The following BRDT variants were observed in gnomAD, a reference collection of about 807,000 sequenced individuals.
BRDT encodes the protein bromodomain testis associated.
A neutral mutation model predicts 113.9 loss-of-function variants in BRDT; 77 were observed. The ratio of observed to expected loss-of-function variants is 0.68; its 90% confidence interval spans 0.56 to 0.82. The LOEUF (loss-of-function observed/expected upper bound fraction) is 0.82, where lower values mean the gene tolerates loss of function less well. BRDT is among the 40% of genes least tolerant of loss of function. The probability of loss-of-function intolerance (pLI) is 0.00; values close to 1 mark genes in which losing one functional copy is unlikely to be tolerated. For missense variants in BRDT, 1,027 were observed against 1,105.4 expected (o/e 0.93, Z 1.01); for synonymous variants, 358 against 366.5 (o/e 0.98, Z 0.26).
intron 4 of BRDT, among the ~76,000 whole-genome samples, chr1:91,972,098 G>A (rs1683689608): frequency 6.7e-6 from 1 of 149,638 alleles, no homozygotes; most frequent in South Asian, 2.1e-4. Flanking sequence ...AAAACCTTTT[G>A]TCAGTCAGGG....
intron 12 of BRDT, among the ~76,000 whole-genome samples, chr1:91,986,688 GAATA>G (rs1411123043): frequency 6.6e-6 from 1 of 151,984 alleles, no homozygotes; most frequent in East Asian, 1.9e-4. Flanking sequence ...CATCAAACAG[GAATA>G]AATAAATTTG....
At chr1:91,970,903 C>A (rs1202546119) in intron 4 of BRDT, among the ~76,000 whole-genome samples, 2 of 106,360 alleles carry the variant, frequency 1.9e-5, no homozygotes, top group South Asian at 3.7e-4. Context: ...AGAGCAAGAC[C>A]CTTTCTCAAA....
chr1:92,004,667 A>T, intron 17 of BRDT, 48 bp downstream of exon 17: 2 of 1,446,652 alleles, frequency 1.4e-6, no homozygotes, highest in Non-Finnish European at 1.9e-6. Context: ...TATAGAATGT[A>T]TTTTAAATAC....
At position 92,004,461 on chromosome 1, in the gene BRDT, A is replaced by G. The variant is rs578001864; in HGVS notation, c.2436A>G (p.Pro812=). Residue 812 remains proline, a synonymous_variant, in exon 17 of 19, where the codon CCA becomes CCG. Coordinates refer to ENST00000399546, the MANE Select transcript of BRDT (RefSeq NM_207189.4). ...ATTCATGGAAAAGTTTAGGCAAACC[A>G]GTGAAACCATCAGGTGTAATGAAAT... ...NADSWKSLGK[P]VKPSGVMKSS... is the part of the protein sequence containing the mutation. The G allele has an allele frequency of 1.2e-6, 2 of 1,610,908 alleles. No individual in the cohort carries two copies. The highest frequency in any genetic ancestry group is 1.1e-5 in the South Asian group (1 of 90,002).
intron 12 of BRDT, among the ~76,000 whole-genome samples, chr1:91,989,905 C>G (rs1570581874): frequency 6.6e-6 from 1 of 152,206 alleles, no homozygotes; most frequent in Admixed American, 6.5e-5. Flanking sequence ...AACAGTAACA[C>G]ATCCAGTGGA....
chr1:91,975,939 TG>T (rs775320103), intron 4 of BRDT, among the ~76,000 whole-genome samples: 2 of 152,232 alleles, frequency 1.3e-5, no homozygotes, highest in Non-Finnish European at 2.9e-5. Context: ...ATTGTATGGT[TG>T]GTCTCCAGAG....
Position 91,987,674 on chromosome 1 carries a change from T to C in BRDT, c.2003-3510T>C, listed in dbSNP as rs182699170. 1.8e-4 allele frequency among the ~76,000 whole-genome samples: 27 copies of C among 152,030 alleles called. No homozygotes were observed. The East Asian group carries it at 4.7e-3, about 26-fold the overall frequency. On this transcript the variant is annotated intron_variant, in intron 12 of 18. Transcript: ENST00000399546. The stretch of plus-strand genomic sequence containing the variant: ...TTTTTGTTTTTTGTTTTTTGTTTTT[T>C]TAAATCATATTATGTTCCTATTCAA...
rs548894248 is a variant in BRDT at position 91,986,935 on chromosome 1, A to G, written c.2003-4249A>G. The stretch of plus-strand genomic sequence containing the variant: ...GTTTATTAAATTATTTTAGACTTTT[A>G]TAAATTCTTTTTTTTTTTTTTGGAG... On this transcript the variant is annotated intron_variant, in intron 12 of 18. Transcript: ENST00000399546. Among the ~76,000 whole-genome samples, 141 of 109,226 alleles carry G rather than the reference A, an allele frequency of 1.3e-3. 1 individual carries two copies. The highest frequency in any genetic ancestry group is 3.9e-3 in the African/African-American group (133 of 34,412). 71.7% of individuals were successfully genotyped at this position (109,226 alleles called of 152,430 possible).
Position 92,005,169 on chromosome 1 carries a change from A to G in BRDT, c.2645A>G (p.Asn882Ser), listed in dbSNP as rs145454426. The G allele has an allele frequency of 3.2e-5, 50 of 1,552,968 alleles. No homozygotes were observed. In the African/African-American group the frequency reaches 5.6e-4, roughly 17 times the overall value. ...GAATCTTTTTCAAATAAAATACAAAACAAGTGCTCTGGAGAAGAGCAGAAA... is the reference window on the plus strand; with the variant it reads ...GAATCTTTTTCAAATAAAATACAAAGCAAGTGCTCTGGAGAAGAGCAGAAA... ...TVESFSNKIQ[N>S]KCSGEEQKEH... is the part of the protein sequence containing the mutation. Residue 882 changes from asparagine (N) to serine (S), a missense_variant, in exon 18 of 19, where the codon AAC becomes AGC. Transcript: ENST00000399546.
chr1:92,002,958 C>T (rs1286704690), intron 16 of BRDT, among the ~76,000 whole-genome samples: 1 of 152,152 alleles, frequency 6.6e-6, no homozygotes, highest in African/African-American at 2.4e-5. Flanking sequence ...CTCTATCCCC[C>T]TCCATCCCTC....
chr1:91,972,015 T>C (rs548788530), intron 4 of BRDT, among the ~76,000 whole-genome samples: 48 of 152,050 alleles, frequency 3.2e-4, no homozygotes, highest in Admixed American at 1.3e-3. Flanking sequence ...CCTTTTTTTT[T>C]TTTCTTTCTT....
chr1:91,982,627 C>A (rs1427059684), intron 12 of BRDT, among the ~76,000 whole-genome samples: 1 of 152,172 alleles, frequency 6.6e-6, no homozygotes, highest in Non-Finnish European at 1.5e-5. Flanking sequence ...TTATTAAAAG[C>A]ATCCCTCTTT....
chr1:91,953,074 T>G (rs1487528541), intron 1 of BRDT, among the ~76,000 whole-genome samples: 1 of 151,984 alleles, frequency 6.6e-6, no homozygotes, highest in East Asian at 1.9e-4. Context: ...TTACATTAGA[T>G]ATTTCTCCTA....
rs140785170 is a variant in BRDT at position 92,002,049 on chromosome 1, G to A, written c.2288G>A (p.Gly763Asp). ...ISPLQILPPS[G>D]DSEQLSNGIT... Reference sequence around the variant, plus strand: ...CTATTCTAAAAATGTGTGCATCCAGGTGATTCTGAACAGCTCTCAAATGGC... The same window carrying A: ...CTATTCTAAAAATGTGTGCATCCAGATGATTCTGAACAGCTCTCAAATGGC... Residue 763 changes from glycine (G) to aspartate (D), a missense_variant and splice_region_variant, in exon 16 of 19, where the codon GGT becomes GAT. Gly to Asp is a moderately conservative substitution (Grantham distance 94, BLOSUM62 -1). Coordinates refer to ENST00000399546, the MANE Select transcript of BRDT (RefSeq NM_207189.4). 26 of 1,603,808 alleles carry A rather than the reference G, an allele frequency of 1.6e-5. No homozygotes were observed. In the African/African-American group the frequency reaches 2.3e-4, roughly 14 times the overall value.
At chr1:91,963,423 G>A (rs773393034) in intron 2 of BRDT, among the ~76,000 whole-genome samples, 10 of 152,060 alleles carry the variant, frequency 6.6e-5, no homozygotes, top group East Asian at 3.8e-4. Flanking sequence ...CTGAGCATTC[G>A]CATTCTTATT....
chr1:91,969,082 G>T (rs193053075), intron 4 of BRDT, among the ~76,000 whole-genome samples: 2 of 151,678 alleles, frequency 1.3e-5, no homozygotes, highest in Non-Finnish European at 2.9e-5. Flanking sequence ...GACTACAGGC[G>T]CCCACCACCA....
intron 18 of BRDT, among the ~76,000 whole-genome samples, chr1:92,007,896 T>C (rs12737565): frequency 0.23 from 34,638 of 150,546 alleles, 4,652 homozygotes; most frequent in Middle Eastern, 0.36. Flanking sequence ...TTTATTTATT[T>C]ATTCATTCAT....
At chr1:91,975,800 T>C (rs1684084404) in intron 4 of BRDT, among the ~76,000 whole-genome samples, 1 of 152,232 alleles carries the variant, frequency 6.6e-6, no homozygotes, top group Admixed American at 6.5e-5. Flanking sequence ...ATTGTTCCTT[T>C]GGCAGAATTT....
Position 91,971,312 on chromosome 1 carries a change from C to T in BRDT, c.445+3052C>T, listed in dbSNP as rs117451331. On this transcript the variant is annotated intron_variant, in intron 4 of 18. Coordinates refer to ENST00000399546, the MANE Select transcript of BRDT (RefSeq NM_207189.4). ...TTTGAAGAGGACAAAACATCCAAACCATATCACGCTGGAAAAGTTGGGAGA... is the reference window on the plus strand; with the variant it reads ...TTTGAAGAGGACAAAACATCCAAACTATATCACGCTGGAAAAGTTGGGAGA... 4.3e-3 allele frequency among the ~76,000 whole-genome samples: 660 copies of T among 152,200 alleles called. 28 individuals are homozygous for T. The East Asian group carries it at 0.07, about 16-fold the overall frequency.
Sources: allele counts gnomAD v4.1 joint callset (sites outside exome capture counted in the v4.1 genomes callset), GRCh38; gene constraint gnomAD v4.1.1; transcripts MANE v1.5; gene names NCBI Gene and HGNC (gene_info 2026-07-23, HGNC 2026-07-21).